Variants in UVRAG observed in about 807,000 individuals in gnomAD.
The protein encoded by UVRAG is UV radiation resistance associated.
In UVRAG, 19 loss-of-function variants were observed where a neutral mutation model predicts 78.0. The ratio of observed to expected loss-of-function variants is 0.24; its 90% CI spans 0.17 to 0.36. UVRAG has a LOEUF of 0.36. Ranked by LOEUF, UVRAG falls within the 10% of genes least tolerant of loss-of-function variation. The pLI, the probability that UVRAG is intolerant of heterozygous loss-of-function variation, is 1.00. For synonymous variants in UVRAG, 323 were observed against 324.6 expected (o/e 1.00, Z 0.05); for missense variants, 740 against 853.8 (o/e 0.87, Z 1.66).
intron 5 of UVRAG, among the ~76,000 whole-genome samples, chr11:75,890,514 C>T (rs55758113): frequency 0.033 from 4,979 of 152,222 alleles, 268 homozygotes; most frequent in African/African-American, 0.11. Flanking sequence ...ATAAAGGTGT[C>T]AGGCACTGAG....
chr11:75,837,325 T>TCAAA (rs1282342517), intron 1 of UVRAG, among the ~76,000 whole-genome samples: 5 of 83,328 alleles, frequency 6.0e-5, no homozygotes, highest in African/African-American at 2.7e-4. Context: ...AGACTCTGTC[T>TCAAA]CAAAAAAAAA....
intron 13 of UVRAG, among the ~76,000 whole-genome samples, chr11:76,106,743 A>C (rs1007540842): frequency 6.6e-6 from 1 of 152,098 alleles, no homozygotes; most frequent in East Asian, 1.9e-4. Context: ...GATTGGGCCA[A>C]AGGTCAATAC....
At chr11:76,132,614 G>A (rs1367461755) in intron 14 of UVRAG, among the ~76,000 whole-genome samples, 1 of 152,092 alleles carries the variant, frequency 6.6e-6, no homozygotes. Flanking sequence ...TCTTGATGTG[G>A]TAAATCTTTA....
intron 7 of UVRAG, among the ~76,000 whole-genome samples, chr11:75,976,227 A>T (rs894698814): frequency 1.6e-4 from 24 of 152,190 alleles, no homozygotes; most frequent in African/African-American, 5.1e-4. Flanking sequence ...CCACTTGATC[A>T]TGGTGGATAA....
chr11:75,965,304 T>TTTTATTTA (rs112528205), intron 7 of UVRAG, among the ~76,000 whole-genome samples: 2,649 of 145,928 alleles, frequency 0.018, 72 homozygotes, highest in African/African-American at 0.07. Flanking sequence ...TTTGGACATC[T>TTTTATTTA]TTTATTTATT....
At position 75,862,906 on chromosome 11, in the gene UVRAG, C is replaced by A. The variant is rs551194304; in HGVS notation, c.270+1126C>A. Among the ~76,000 whole-genome samples, 11 of 152,286 alleles carry A rather than the reference C, an allele frequency of 7.2e-5. No homozygotes were observed. The South Asian group carries it at 2.1e-3, about 29-fold the overall frequency. On this transcript the variant is annotated intron_variant, in intron 3 of 14. Coordinates refer to ENST00000356136, the MANE Select transcript of UVRAG (RefSeq NM_003369.4). Reference sequence around the variant, plus strand: ...GAATAGTATAGATGCTCAGTAACTACTTGTTAAATGAATAAAGGGTTATCA... The same window carrying A: ...GAATAGTATAGATGCTCAGTAACTAATTGTTAAATGAATAAAGGGTTATCA...
At chr11:75,831,674 TA>T (rs1945661952) in intron 1 of UVRAG, among the ~76,000 whole-genome samples, 1 of 152,080 alleles carries the variant, frequency 6.6e-6, no homozygotes, top group African/African-American at 2.4e-5. Flanking sequence ...GAATGGCAGA[TA>T]ATTGAGGCCA....
At chr11:76,091,546 C>A (rs1951696890) in intron 13 of UVRAG, among the ~76,000 whole-genome samples, 1 of 152,052 alleles carries the variant, frequency 6.6e-6, no homozygotes, top group Non-Finnish European at 1.5e-5. Flanking sequence ...TTTCTTACTT[C>A]TTCTCTCCTG....
intron 5 of UVRAG, among the ~76,000 whole-genome samples, chr11:75,892,559 C>T (rs944106609): frequency 2.0e-5 from 3 of 152,182 alleles, no homozygotes; most frequent in South Asian, 2.1e-4. Flanking sequence ...CCCCAAATTA[C>T]GCAGCTCCCT....
In UVRAG at chr11:76,018,042, A is replaced by G. The variant is rs116023446; in HGVS notation, c.1226+1062A>G. 4.1e-3 allele frequency among the ~76,000 whole-genome samples: 619 copies of G among 152,318 alleles called. 3 individuals are homozygous for G. Among genetic ancestry groups the G allele is most frequent in the African/African-American group, 0.014 (588 of 41,572 alleles). Reference sequence around the variant, plus strand: ...TAATGTCTTCTTAAATATAACATGCATATACATAATAATATATGTAGGTTT... The same window carrying G: ...TAATGTCTTCTTAAATATAACATGCGTATACATAATAATATATGTAGGTTT... On this transcript the variant is annotated intron_variant, in intron 12 of 14. Coordinates refer to ENST00000356136, the MANE Select transcript of UVRAG (RefSeq NM_003369.4).
chr11:76,108,908 C>G (rs1415318398), intron 13 of UVRAG, among the ~76,000 whole-genome samples: 1 of 152,128 alleles, frequency 6.6e-6, no homozygotes, highest in Non-Finnish European at 1.5e-5. Flanking sequence ...TCTTGGTTGC[C>G]TACTAGCCAT....
chr11:75,940,969 A>G (rs1194916022), intron 6 of UVRAG, among the ~76,000 whole-genome samples: 1 of 152,112 alleles, frequency 6.6e-6, no homozygotes, highest in Non-Finnish European at 1.5e-5. Flanking sequence ...TTCTGCCTTC[A>G]AAAAAAGTCC....
At chr11:75,951,586 T>C (rs1297683735) in intron 6 of UVRAG, among the ~76,000 whole-genome samples, 1 of 152,112 alleles carries the variant, frequency 6.6e-6, no homozygotes, top group Non-Finnish European at 1.5e-5. Context: ...TTCTCAATGT[T>C]AGTCAGGCTG....
At chr11:75,844,515 G>A (rs544142637) in intron 1 of UVRAG, among the ~76,000 whole-genome samples, 20 of 152,038 alleles carry the variant, frequency 1.3e-4, no homozygotes, top group Admixed American at 1.0e-3. Context: ...GTGAGCCACC[G>A]TGCCCGGCCT....
chr11:76,043,776 A>G (rs1241494372), intron 12 of UVRAG, among the ~76,000 whole-genome samples: 1 of 152,178 alleles, frequency 6.6e-6, no homozygotes, highest in Non-Finnish European at 1.5e-5. Flanking sequence ...TGACATACAT[A>G]TGTATGTGTT....
At chr11:76,116,520 G>A (rs1315223255) in intron 14 of UVRAG, among the ~76,000 whole-genome samples, 1 of 152,220 alleles carries the variant, frequency 6.6e-6, no homozygotes, top group Non-Finnish European at 1.5e-5. Flanking sequence ...CTGTTGAACC[G>A]TGAGGGCAAG....
At position 76,056,930 on chromosome 11, in the gene UVRAG, G is replaced by A. The variant is rs114419289; in HGVS notation, c.1227-8780G>A. Among the ~76,000 whole-genome samples, 1,435 of 152,294 alleles carry A rather than the reference G, an allele frequency of 9.4e-3. 24 individuals carry two copies. The highest frequency in any genetic ancestry group is 0.033 in the African/African-American group (1,367 of 41,566). On this transcript the variant is annotated intron_variant, in intron 12 of 14. Coordinates refer to ENST00000356136, the MANE Select transcript of UVRAG (RefSeq NM_003369.4). ...ATTCTGATCAAAGGCTAGAATGACA[G>A]GAAAGTGTCAGCTCTGGGAAGATTT...
chr11:75,898,021 A>G (rs953777459), intron 5 of UVRAG, among the ~76,000 whole-genome samples: 4 of 150,814 alleles, frequency 2.7e-5, no homozygotes, highest in African/African-American at 9.8e-5. Flanking sequence ...GGGGCCTGCC[A>G]CCACGCCCGG....
chr11:75,882,762 G>T (rs980394566), intron 4 of UVRAG, among the ~76,000 whole-genome samples: 1 of 151,994 alleles, frequency 6.6e-6, no homozygotes, highest in Non-Finnish European at 1.5e-5. Flanking sequence ...AACTTTTTTA[G>T]ATTCCACGGA....
Sources: gnomAD v4.1 joint callset for allele counts (sites outside exome capture counted in the v4.1 genomes callset) on GRCh38, gnomAD v4.1.1 for gene constraint, MANE v1.5 for transcripts, NCBI Gene and HGNC (gene_info 2026-07-23, HGNC 2026-07-21) for gene names.